The following ATP6V0A4 variants were observed in gnomAD, a reference collection of about 807,000 sequenced individuals.
ATP6V0A4 encodes ATPase H+ transporting V0 subunit a4.
In ATP6V0A4, 86 loss-of-function variants were observed where a neutral mutation model predicts 107.3. The observed-to-expected ratio is 0.80, with a 90% CI of 0.67 to 0.96. The LOEUF (loss-of-function observed/expected upper bound fraction) is 0.96. Ranked by LOEUF, ATP6V0A4 falls within the 40% of genes least tolerant of loss-of-function variation. The pLI is 0.00. For missense variants in ATP6V0A4, 908 were observed against 1,045.6 expected (o/e 0.87, Z 1.81); for synonymous variants, 353 against 381.4 (o/e 0.93, Z 0.87).
At chr7:138,792,772 T>TTTTTG (rs1808479660) in intron 1 of ATP6V0A4, among the ~76,000 whole-genome samples, 1 of 115,288 alleles carries the variant, frequency 8.7e-6, no homozygotes, top group African/African-American at 4.2e-5. Context: ...GTTTGTTTTT[T>TTTTTG]TTTTTGTTGT....
At chr7:138,758,034 G>T (rs375360926) in intron 8 of ATP6V0A4, among the ~76,000 whole-genome samples, 1 of 152,136 alleles carries the variant, frequency 6.6e-6, no homozygotes, top group Non-Finnish European at 1.5e-5. Context: ...TGATCCACCA[G>T]AATCAGGAAT....
chr7:138,782,036 G>A (rs1231686347), intron 2 of ATP6V0A4, among the ~76,000 whole-genome samples: 1 of 152,142 alleles, frequency 6.6e-6, no homozygotes, highest in South Asian at 2.1e-4. Context: ...ACAACCACTA[G>A]CCTGGGGACC....
intron 8 of ATP6V0A4, among the ~76,000 whole-genome samples, chr7:138,758,993 C>T (rs1196730536): frequency 2.7e-5 from 4 of 150,842 alleles, no homozygotes; most frequent in South Asian, 2.1e-4. Flanking sequence ...TCAGGTGATC[C>T]GCCCACCTCG....
chr7:138,786,792 C>T (rs1451154099), intron 1 of ATP6V0A4, among the ~76,000 whole-genome samples: 4 of 152,142 alleles, frequency 2.6e-5, no homozygotes, highest in South Asian at 2.1e-4. Flanking sequence ...CCACACCCGG[C>T]GCTAGCCTAA....
At chr7:138,737,817 A>G (rs1428715038) in intron 15 of ATP6V0A4, among the ~76,000 whole-genome samples, 1 of 147,558 alleles carries the variant, frequency 6.8e-6, no homozygotes, top group African/African-American at 2.5e-5. Flanking sequence ...GCTGGAGTGC[A>G]GTGGCATGAT....
At position 138,707,608 on chromosome 7, in the gene ATP6V0A4, G is replaced by T. The variant is rs191038296; in HGVS notation, c.2430-891C>A. ...GTAAACACCAGGTTTTGCTATGTTG[G>T]CCAGGCTGGTCTCGAACTCCTGACC... is the stretch of plus-strand genomic sequence containing the variant. On this transcript the variant is annotated intron_variant, in intron 21 of 21. Transcript: ENST00000310018. 4.3e-3 allele frequency among the ~76,000 whole-genome samples: 647 copies of T among 150,518 alleles called. 7 individuals carry two copies. Among genetic ancestry groups the T allele is most frequent in the South Asian group, 0.026 (123 of 4,770 alleles).
At chr7:138,771,325 G>T in intron 2 of ATP6V0A4, 61 bp from the exon 3 acceptor site, 2 of 1,565,646 alleles carry the variant, frequency 1.3e-6, no homozygotes, top group Non-Finnish European at 8.7e-7. Flanking sequence ...AAAACCTTAG[G>T]GTGAAATTTT....
chr7:138,777,692 GA>G, intron 2 of ATP6V0A4, among the ~76,000 whole-genome samples: 1 of 149,326 alleles, frequency 6.7e-6, no homozygotes, highest in Non-Finnish European at 1.5e-5. Context: ...TCTGCATCTG[GA>G]AAAAGGGAGT....
At chr7:138,714,846 A>G (rs1584889636) in intron 20 of ATP6V0A4, among the ~76,000 whole-genome samples, 1 of 152,336 alleles carries the variant, frequency 6.6e-6, no homozygotes, top group East Asian at 1.9e-4. Context: ...ATAACCTGTC[A>G]ACATACTATA....
At chr7:138,723,061 A>C (rs1464111026) in intron 18 of ATP6V0A4, among the ~76,000 whole-genome samples, 1 of 151,594 alleles carries the variant, frequency 6.6e-6, no homozygotes, top group Non-Finnish European at 1.5e-5. Flanking sequence ...GTCTCAAAAA[A>C]AAAAAAAAAA....
chr7:138,793,417 CA>C (rs1159472055), intron 1 of ATP6V0A4, among the ~76,000 whole-genome samples: 4 of 152,112 alleles, frequency 2.6e-5, no homozygotes, highest in Non-Finnish European at 4.4e-5. Context: ...ATATTGAATG[CA>C]AAAGTTGACA....
chr7:138,714,290 T>G (rs1456381308), intron 20 of ATP6V0A4, among the ~76,000 whole-genome samples: 1 of 149,524 alleles, frequency 6.7e-6, no homozygotes, highest in African/African-American at 2.5e-5. Context: ...CGGATGGGTC[T>G]GGAGTGCTGG....
chr7:138,726,333 G>T (rs1804722309), intron 18 of ATP6V0A4, among the ~76,000 whole-genome samples: 1 of 152,234 alleles, frequency 6.6e-6, no homozygotes. Flanking sequence ...TGTGACCTGA[G>T]ATGTGGGAGT....
At chr7:138,796,937 ATC>A (rs1195333538) in intron 1 of ATP6V0A4, among the ~76,000 whole-genome samples, 1 of 152,130 alleles carries the variant, frequency 6.6e-6, no homozygotes, top group Non-Finnish European at 1.5e-5. Flanking sequence ...TCAGCTCAAA[ATC>A]TCTACAGAAC....
intron 16 of ATP6V0A4, among the ~76,000 whole-genome samples, chr7:138,733,512 C>A (rs112458892): frequency 2.0e-5 from 3 of 150,056 alleles, no homozygotes; most frequent in Admixed American, 1.3e-4. Context: ...AAGTGTGGCC[C>A]ACAGGCCAAT....
At chr7:138,768,698 T>A in intron 5 of ATP6V0A4, 82 bp downstream of exon 5, 1 of 1,528,420 alleles carries the variant, frequency 6.5e-7, no homozygotes, top group Non-Finnish European at 8.9e-7. Flanking sequence ...GTACGGAATC[T>A]GCAAGTGGCT....
At chr7:138,781,614 G>C (rs1430589449) in intron 2 of ATP6V0A4, among the ~76,000 whole-genome samples, 3 of 152,086 alleles carry the variant, frequency 2.0e-5, no homozygotes, top group Non-Finnish European at 4.4e-5. Context: ...ACAGGTGTGA[G>C]CCACCGCGCC....
chr7:138,751,101 C>T (rs1398682653), intron 11 of ATP6V0A4, among the ~76,000 whole-genome samples: 4 of 152,152 alleles, frequency 2.6e-5, no homozygotes, highest in Admixed American at 2.6e-4. Context: ...GATATGCCAC[C>T]CAGCTAGTTC....
intron 5 of ATP6V0A4, among the ~76,000 whole-genome samples, chr7:138,764,527 G>A (rs962261262): frequency 3.9e-5 from 6 of 152,134 alleles, no homozygotes; most frequent in African/African-American, 1.4e-4. Context: ...CAAATATTAT[G>A]AGAAAAATTT....
Sources: allele counts gnomAD v4.1 joint callset (sites outside exome capture counted in the v4.1 genomes callset), GRCh38; gene constraint gnomAD v4.1.1; transcripts MANE v1.5; gene names NCBI Gene and HGNC (gene_info 2026-07-23, HGNC 2026-07-21).